Variants in TNIP1 observed in about 807,000 individuals in gnomAD.
TNIP1 encodes TNFAIP3-interacting protein 1.
In TNIP1, 22 loss-of-function variants were observed where a neutral mutation model predicts 86.6. The observed-to-expected ratio is 0.25, with a 90% confidence interval of 0.18 to 0.36. TNIP1 has a LOEUF of 0.36. Among genes scored for constraint, TNIP1 ranks in the 10% least tolerant of loss-of-function variants. The probability of loss-of-function intolerance (pLI) is 1.00; values close to 1 mark genes in which losing one functional copy is unlikely to be tolerated. For synonymous variants in TNIP1, 294 were observed against 313.0 expected (o/e 0.94, Z 0.64); for missense variants, 709 against 820.6 (o/e 0.86, Z 1.66).
At chr5:151,033,950 T>C in intron 15 of TNIP1, 151 bp from the exon 16 acceptor site, 1 of 625,306 alleles carries the variant, frequency 1.6e-6, no homozygotes. Context: ...GCTACATGGG[T>C]ACAGAAATCT....
Position 151,059,779 on chromosome 5 carries a change from C to CAGAGAGAGAGAGAGAG in TNIP1, c.435+523_435+538dup, listed in dbSNP as rs55637016. Among the ~76,000 whole-genome samples the CAGAGAGAGAGAGAGAG allele has an allele frequency of 6.7e-3, 454 of 67,326 alleles. 16 individuals carry two copies. The highest frequency in any genetic ancestry group is 0.01 in the Non-Finnish European group (338 of 33,756). 44.2% of individuals were successfully genotyped at this position (67,326 alleles called of 152,430 possible). A position where few individuals can be genotyped will look rare whatever the true frequency, so the allele number is the denominator to read the frequency against. On this transcript the variant is annotated intron_variant, in intron 5 of 17. Coordinates refer to ENST00000521591, the MANE Select transcript of TNIP1 (RefSeq NM_006058.5). ...AGACGCTCCAGAGCTGTACGAGAGACAGAGAGAGAGAGAGAGAGAGAGAGA... is the reference window on the plus strand; with the variant it reads ...AGACGCTCCAGAGCTGTACGAGAGACAGAGAGAGAGAGAGAGAGAGAGAGAGAGAGAGAGAGAGAGA...
intron 7 of TNIP1, among the ~76,000 whole-genome samples, chr5:151,051,608 C>T (rs1046096440): frequency 2.0e-5 from 3 of 152,250 alleles, no homozygotes; most frequent in Non-Finnish European, 4.4e-5. Flanking sequence ...AGGCGTGATC[C>T]TGTGCCTACC....
chr5:151,085,154 C>T (rs973925994), upstream of TNIP1, among the ~76,000 whole-genome samples: 7 of 152,330 alleles, frequency 4.6e-5, no homozygotes, highest in African/African-American at 9.6e-5. Flanking sequence ...GAGACCGTCA[C>T]GCAGAGGATA....
At chr5:151,043,493 C>T (rs971059042) in intron 9 of TNIP1, among the ~76,000 whole-genome samples, 2 of 152,074 alleles carry the variant, frequency 1.3e-5, no homozygotes, top group African/African-American at 4.8e-5. Flanking sequence ...GAAAATAGGC[C>T]GCCAGGCACA....
At chr5:151,034,778 C>G in intron 15 of TNIP1, 1 of 558,608 alleles carries the variant, frequency 1.8e-6, no homozygotes, top group South Asian at 2.0e-5. Flanking sequence ...CACATGGGCA[C>G]GGAAGGTTGC....
rs199957163 is a variant in TNIP1 at position 151,060,308 on chromosome 5, G to A, written c.435+10C>T. 3.2e-5 allele frequency: 51 copies of A among 1,613,726 alleles called. No individual in the cohort carries two copies. The highest frequency in any genetic ancestry group is 1.8e-4 in the East Asian group (8 of 44,888). Reference sequence around the variant, plus strand: ...GCAGGTCAAGCCCGGGGTCCTGCCCGTCCACTCACCATCGCATTGGCATGG... The same window carrying A: ...GCAGGTCAAGCCCGGGGTCCTGCCCATCCACTCACCATCGCATTGGCATGG... On this transcript the variant is annotated intron_variant, in intron 5 of 17. Transcript: ENST00000521591.
intron 5 of TNIP1, 37 bp downstream of exon 5, chr5:151,060,281 C>A (rs1761380614): frequency 6.2e-7 from 1 of 1,609,426 alleles, no homozygotes; most frequent in African/African-American, 1.3e-5. Context: ...ACAAAGAGGG[C>A]AGCAGGTCAA....
Position 151,030,475 on chromosome 5 carries a change from G to A in TNIP1, c.*238C>T, listed in dbSNP as rs1756748876. On this transcript the variant is annotated 3_prime_UTR_variant, in exon 18 of 18. Transcript: ENST00000521591. ...TGAGGCCTCTCTCCACTCAGCAGCA[G>A]GGAAGGAGTTTTTCCCAGTCACTCC... 1 of 607,064 alleles carries A rather than the reference G, an allele frequency of 1.6e-6. No homozygotes were observed. Among genetic ancestry groups the A allele is most frequent in the African/African-American group, 1.9e-5 (1 of 53,770 alleles). 37.6% of individuals were successfully genotyped at this position (607,064 alleles called of 1,614,324 possible).
At chr5:151,069,900 G>A (rs1044015759) in intron 1 of TNIP1, among the ~76,000 whole-genome samples, 2 of 152,214 alleles carry the variant, frequency 1.3e-5, no homozygotes, top group African/African-American at 4.8e-5. Context: ...AGTCTCAGGA[G>A]CTAGCAGCAA....
At chr5:151,050,002 A>C (rs2233294) in intron 7 of TNIP1, 55 bp from the exon 8 acceptor site, 309,605 of 1,609,074 alleles carry the variant, frequency 0.19, 31,614 homozygotes, top group Non-Finnish European at 0.21. Flanking sequence ...TAAGAAACCT[A>C]CAGGGCTCCT....
At chr5:151,032,178 C>T in intron 17 of TNIP1, 109 bp downstream of exon 17, 1 of 925,224 alleles carries the variant, frequency 1.1e-6, no homozygotes, top group Middle Eastern at 3.2e-4. Flanking sequence ...CTGGGCCTCT[C>T]CTCCACCAAG....
intron 17 of TNIP1, 26 bp downstream of exon 17, chr5:151,032,261 A>C: frequency 6.3e-7 from 1 of 1,578,452 alleles, no homozygotes; most frequent in African/African-American, 1.4e-5. Flanking sequence ...CCCAGGGAGG[A>C]CCAAGACTCA....
At chr5:151,070,043 A>G (rs1017558807) in intron 1 of TNIP1, among the ~76,000 whole-genome samples, 1 of 152,216 alleles carries the variant, frequency 6.6e-6, no homozygotes, top group Non-Finnish European at 1.5e-5. Flanking sequence ...CACCTGCACT[A>G]GCCTCAGCTC....
intron 6 of TNIP1, among the ~76,000 whole-genome samples, chr5:151,053,099 CTCTTTT>C (rs1292839542): frequency 9.6e-6 from 1 of 104,524 alleles, no homozygotes; most frequent in Non-Finnish European, 1.9e-5. Context: ...ACAACTGTTT[CTCTTTT>C]TTTTTTTTTT....
At chr5:151,064,516 G>C (rs892939593) in intron 2 of TNIP1, among the ~76,000 whole-genome samples, 2 of 152,152 alleles carry the variant, frequency 1.3e-5, no homozygotes, top group Admixed American at 1.3e-4. Flanking sequence ...CAAGAGCCAG[G>C]AGAAGAGAAC....
intron 4 of TNIP1, among the ~76,000 whole-genome samples, chr5:151,061,799 C>T (rs955730001): frequency 2.6e-5 from 4 of 152,300 alleles, no homozygotes; most frequent in Middle Eastern, 3.4e-3. Flanking sequence ...GTTTCTGAGC[C>T]CTCTTTGAGA....
chr5:151,056,756 C>A lies in TNIP1; in HGVS notation c.627+10G>T, dbSNP rs200784594. The A allele has an allele frequency of 6.8e-7, 1 of 1,476,362 alleles. No homozygotes were observed. Among genetic ancestry groups the A allele is most frequent in the Admixed American group, 2.4e-5 (1 of 42,536 alleles). The allele number at this position is 1,476,362 out of a possible 1,614,324, so 91.5% of individuals were successfully genotyped here. On this transcript the variant is annotated intron_variant, in intron 6 of 17. Transcript: ENST00000521591. ...TGCCTGTCTCGGGCTGCCCTCCCCACGCGCCTCACCTGCAGAATGGAGGTG... is the reference window on the plus strand; with the variant it reads ...TGCCTGTCTCGGGCTGCCCTCCCCAAGCGCCTCACCTGCAGAATGGAGGTG...
intron 5 of TNIP1, among the ~76,000 whole-genome samples, chr5:151,059,828 A>AGAGTGT (rs1554076446): frequency 2.0e-3 from 115 of 56,304 alleles, no homozygotes; most frequent in South Asian, 2.7e-3. Flanking sequence ...AGAGAGAGAG[A>AGAGTGT]GTGTGTGTGT....
intron 15 of TNIP1, 39 bp downstream of exon 15, chr5:151,034,963 G>C: frequency 6.2e-7 from 1 of 1,610,842 alleles, no homozygotes; most frequent in Non-Finnish European, 8.5e-7. Flanking sequence ...AGGAAGGTAA[G>C]AGGATGTCAG....
Sources: allele counts gnomAD v4.1 joint callset (sites outside exome capture counted in the v4.1 genomes callset), GRCh38; gene constraint gnomAD v4.1.1; transcripts MANE v1.5; gene names NCBI Gene and HGNC (gene_info 2026-07-23, HGNC 2026-07-21).